ZNF385D: variants seen among roughly 807,000 people sequenced by gnomAD.
ZNF385D encodes the protein zinc finger protein 385D.
Under a neutral mutation model 35.8 loss-of-function variants are expected in ZNF385D, and 15 were observed. The observed-to-expected ratio is 0.42, with a 90% CI of 0.28 to 0.64. The LOEUF (loss-of-function observed/expected upper bound fraction) is 0.64, where lower values mean the gene tolerates loss of function less well. Ranked by LOEUF, ZNF385D falls within the 30% of genes least tolerant of loss-of-function variation. The pLI, the probability that ZNF385D is intolerant of heterozygous loss-of-function variation, is 0.23. For missense variants in ZNF385D, 474 were observed against 494.6 expected, an observed-to-expected ratio of 0.96 and a Z score of 0.39; for synonymous variants, 212 against 186.8, an observed-to-expected ratio of 1.13 and a Z score of -1.10.
chr3:22,343,893 G>C (rs1173212369), intron 2 of ZNF385D, among the ~76,000 whole-genome samples: 1 of 151,556 alleles, frequency 6.6e-6, no homozygotes, highest in Non-Finnish European at 1.5e-5. Context: ...CAACTACTGG[G>C]CTGTACCCCC....
At chr3:21,877,066 G>C (rs1373899001) in intron 3 of ZNF385D, among the ~76,000 whole-genome samples, 1 of 152,032 alleles carries the variant, frequency 6.6e-6, no homozygotes, top group Non-Finnish European at 1.5e-5. Flanking sequence ...AACCCCTAGA[G>C]GGTTGTAACT....
chr3:22,252,717 G>C (rs1700124998), intron 2 of ZNF385D, among the ~76,000 whole-genome samples: 2 of 152,008 alleles, frequency 1.3e-5, no homozygotes, highest in Admixed American at 1.3e-4. Flanking sequence ...GACAGAGATG[G>C]CATGGAAAAG....
chr3:21,745,555 G>C (rs745643928), intron 1 of ZNF385D, among the ~76,000 whole-genome samples: 1 of 152,132 alleles, frequency 6.6e-6, no homozygotes, highest in Non-Finnish European at 1.5e-5. Context: ...TTTAAGCTTT[G>C]ATATTTCTAG....
intron 4 of ZNF385D, among the ~76,000 whole-genome samples, chr3:21,456,950 C>T (rs148822466): frequency 2.2e-3 from 329 of 152,154 alleles, no homozygotes; most frequent in African/African-American, 7.7e-3. Context: ...TTTTCTTCTC[C>T]ATTGCAGTTA....
intron 1 of ZNF385D, among the ~76,000 whole-genome samples, chr3:21,689,886 CAAA>C (rs5847127): frequency 2.0e-3 from 290 of 143,666 alleles, no homozygotes; most frequent in African/African-American, 2.1e-3. Context: ...CGAAAAATTG[CAAA>C]AAAAAAAAAA....
chr3:22,131,365 G>T (rs920774948), intron 3 of ZNF385D, among the ~76,000 whole-genome samples: 5 of 151,484 alleles, frequency 3.3e-5, no homozygotes, highest in African/African-American at 1.2e-4. Flanking sequence ...ATTTGGAGTA[G>T]ATTAAAAAAA....
chr3:21,511,684 CAG>C (rs1431862811), intron 3 of ZNF385D: 6 of 456,508 alleles, frequency 1.3e-5, no homozygotes, highest in Non-Finnish European at 2.6e-5. Flanking sequence ...TTTCATGCCC[CAG>C]TCCATTGTTG....
At chr3:21,711,038 A>ATTTTTTTT (rs562190313) in intron 1 of ZNF385D, among the ~76,000 whole-genome samples, 35 of 55,804 alleles carry the variant, frequency 6.3e-4, no homozygotes, top group East Asian at 4.2e-3. Flanking sequence ...TCCCTCTAAA[A>ATTTTTTTT]GTTTTTTTTT....
intron 1 of ZNF385D, among the ~76,000 whole-genome samples, chr3:21,712,261 C>T (rs77680817): frequency 0.022 from 3,322 of 152,284 alleles, 110 homozygotes; most frequent in African/African-American, 0.075. Flanking sequence ...TACACGTCTA[C>T]TTCTAAGCCA....
intron 2 of ZNF385D, among the ~76,000 whole-genome samples, chr3:22,236,104 A>G (rs1252339395): frequency 6.6e-6 from 1 of 152,154 alleles, no homozygotes; most frequent in Non-Finnish European, 1.5e-5. Flanking sequence ...ATCAGCACAA[A>G]TAATAATACA....
At chr3:21,782,720 G>C (rs1289302092) in intron 3 of ZNF385D, among the ~76,000 whole-genome samples, 1 of 151,958 alleles carries the variant, frequency 6.6e-6, no homozygotes, top group African/African-American at 2.4e-5. Flanking sequence ...CAAGATTTTT[G>C]GAAAATATGT....
At chr3:21,472,989 C>A (rs1407339029) in intron 4 of ZNF385D, among the ~76,000 whole-genome samples, 3 of 151,978 alleles carry the variant, frequency 2.0e-5, no homozygotes, top group Non-Finnish European at 2.9e-5. Context: ...AATCTACTCA[C>A]CACTTCTATT....
chr3:22,113,718 T>C (rs1050621076), intron 3 of ZNF385D, among the ~76,000 whole-genome samples: 2 of 151,902 alleles, frequency 1.3e-5, no homozygotes, highest in African/African-American at 4.8e-5. Flanking sequence ...GATACACAGA[T>C]ACAAATATAA....
chr3:21,814,883 C>G (rs895285889), intron 3 of ZNF385D, among the ~76,000 whole-genome samples: 3 of 152,138 alleles, frequency 2.0e-5, no homozygotes, highest in African/African-American at 4.8e-5. Flanking sequence ...AATATACATT[C>G]TTCTCAGCAC....
chr3:22,182,713 T>G (rs1273176661), intron 2 of ZNF385D, among the ~76,000 whole-genome samples: 1 of 152,140 alleles, frequency 6.6e-6, no homozygotes, highest in Non-Finnish European at 1.5e-5. Context: ...AAAGATTGTT[T>G]AATAAGTTTG....
chr3:21,686,167 T>C (rs761332182), intron 1 of ZNF385D, among the ~76,000 whole-genome samples: 7 of 152,184 alleles, frequency 4.6e-5, no homozygotes, highest in Non-Finnish European at 7.3e-5. Flanking sequence ...GTCAGATGAT[T>C]TGTTAGTTGT....
intron 3 of ZNF385D, among the ~76,000 whole-genome samples, chr3:22,017,189 TTTCTC>T (rs1299460630): frequency 6.6e-6 from 1 of 152,060 alleles, no homozygotes; most frequent in Non-Finnish European, 1.5e-5. Flanking sequence ...TTAAAACCCA[TTTCTC>T]TTCTCTCAAT....
intron 2 of ZNF385D, among the ~76,000 whole-genome samples, chr3:22,194,585 A>C (rs1183123472): frequency 6.6e-6 from 1 of 151,870 alleles, no homozygotes; most frequent in East Asian, 1.9e-4. Context: ...CATATATTTA[A>C]ATTTGTGTAA....
intron 2 of ZNF385D, among the ~76,000 whole-genome samples, chr3:22,355,897 G>T (rs986785958): frequency 7.9e-5 from 12 of 151,880 alleles, no homozygotes; most frequent in Middle Eastern, 3.2e-3. Flanking sequence ...AAATATAGAA[G>T]CTACAACACA....
Sources: gnomAD v4.1 joint callset for allele counts (sites outside exome capture counted in the v4.1 genomes callset) on GRCh38, gnomAD v4.1.1 for gene constraint, MANE v1.5 for transcripts, NCBI Gene and HGNC (gene_info 2026-07-23, HGNC 2026-07-21) for gene names.